Variants in RPS6KC1 observed in about 807,000 individuals in gnomAD.
RPS6KC1 encodes the protein inactive ribosomal protein S6 kinase delta-1.
A neutral mutation model predicts 103.8 loss-of-function variants in RPS6KC1; 54 were observed. That is an observed-to-expected ratio of 0.52 (90% CI 0.42 to 0.65). The LOEUF is 0.65. Ranked by LOEUF, RPS6KC1 falls within the 30% of genes least tolerant of loss-of-function variation. The probability of loss-of-function intolerance (pLI) is 0.00; values close to 1 mark genes in which losing one functional copy is unlikely to be tolerated. For synonymous variants in RPS6KC1, 439 were observed against 438.7 expected (o/e 1.00, Z -0.01); for missense variants, 1,151 against 1,253.8 (o/e 0.92, Z 1.24).
chr1:213,545,937 AC>A, the RPS6KC1 span, among the ~76,000 whole-genome samples: 1 of 151,958 alleles, frequency 6.6e-6, no homozygotes, highest in Non-Finnish European at 1.5e-5. Flanking sequence ...ATCCCAGTGA[AC>A]CCTTCTTTTA....
intron 8 of RPS6KC1, among the ~76,000 whole-genome samples, chr1:213,180,788 A>G (rs539849742): frequency 6.6e-6 from 1 of 152,142 alleles, no homozygotes; most frequent in South Asian, 2.1e-4. Context: ...ATGTGCTTAT[A>G]TTTGTATGTG....
chr1:213,598,421 T>G, the RPS6KC1 span, among the ~76,000 whole-genome samples: 1 of 152,284 alleles, frequency 6.6e-6, no homozygotes, highest in East Asian at 1.9e-4. Flanking sequence ...CAATCCCAGC[T>G]CTGCTTATCT....
chr1:213,434,350 T>A, the RPS6KC1 span, among the ~76,000 whole-genome samples: 2,800 of 152,228 alleles, frequency 0.018, 75 homozygotes, highest in African/African-American at 0.059. Flanking sequence ...ATTACACCTT[T>A]AAAAAAAATT....
intron 6 of RPS6KC1, among the ~76,000 whole-genome samples, chr1:213,157,699 G>C (rs2090052896): frequency 6.6e-6 from 1 of 152,090 alleles, no homozygotes; most frequent in African/African-American, 2.4e-5. Context: ...CAGAATTCAG[G>C]TTGGTTGATA....
chr1:213,294,151 A>G, the RPS6KC1 span, among the ~76,000 whole-genome samples: 8 of 152,224 alleles, frequency 5.3e-5, no homozygotes, highest in African/African-American at 7.2e-5. Context: ...CAACATTTTT[A>G]TAGACCTTTA....
the RPS6KC1 span, among the ~76,000 whole-genome samples, chr1:213,825,570 C>T: frequency 4.5e-4 from 68 of 152,106 alleles, 2 homozygotes; most frequent in East Asian, 0.013. Context: ...TGATGGGTTG[C>T]CCAGGTTAGA....
At chr1:213,815,140 G>A in the RPS6KC1 span, among the ~76,000 whole-genome samples, 124 of 152,208 alleles carry the variant, frequency 8.1e-4, 5 homozygotes, top group Non-Finnish European at 6.9e-4. Context: ...GTTTTTATAC[G>A]GGGCTTTTTT....
chr1:213,514,564 A>AT, the RPS6KC1 span, among the ~76,000 whole-genome samples: 1 of 151,812 alleles, frequency 6.6e-6, no homozygotes, highest in Non-Finnish European at 1.5e-5. Flanking sequence ...TGAACTCATC[A>AT]TTTTTTATGG....
chr1:213,325,494 G>A, the RPS6KC1 span, among the ~76,000 whole-genome samples: 10 of 152,344 alleles, frequency 6.6e-5, no homozygotes, highest in Admixed American at 5.2e-4. Context: ...AGGCAGTAGG[G>A]TACGCGCTCC....
chr1:213,347,711 T>C, the RPS6KC1 span, among the ~76,000 whole-genome samples: 1 of 152,072 alleles, frequency 6.6e-6, no homozygotes, highest in African/African-American at 2.4e-5. Context: ...CCCTAAAACA[T>C]AAACAAATAA....
chr1:213,200,511 A>G (rs1234927609), intron 8 of RPS6KC1, among the ~76,000 whole-genome samples: 1 of 152,228 alleles, frequency 6.6e-6, no homozygotes, highest in Non-Finnish European at 1.5e-5. Context: ...CTAAAATGTA[A>G]AATACAAAAC....
chr1:213,519,580 TA>T, the RPS6KC1 span, among the ~76,000 whole-genome samples: 1 of 152,188 alleles, frequency 6.6e-6, no homozygotes, highest in Admixed American at 6.5e-5. Context: ...AATGAATGTT[TA>T]GGCTGCTTGA....
the RPS6KC1 span, among the ~76,000 whole-genome samples, chr1:213,344,900 A>T: frequency 2.0e-5 from 3 of 152,156 alleles, no homozygotes; most frequent in Non-Finnish European, 4.4e-5. Context: ...CACCTATTGC[A>T]TTCATTGTTG....
the RPS6KC1 span, among the ~76,000 whole-genome samples, chr1:213,568,023 C>T: frequency 6.6e-6 from 1 of 152,212 alleles, no homozygotes; most frequent in Non-Finnish European, 1.5e-5. Flanking sequence ...TTTGATGTCC[C>T]ATATGGGACC....
At chr1:213,425,807 G>T in the RPS6KC1 span, among the ~76,000 whole-genome samples, 1 of 152,142 alleles carries the variant, frequency 6.6e-6, no homozygotes, top group Non-Finnish European at 1.5e-5. Flanking sequence ...TTTGAGGTCT[G>T]TTCAGGATTG....
the RPS6KC1 span, among the ~76,000 whole-genome samples, chr1:213,412,971 T>G: frequency 6.6e-6 from 1 of 152,230 alleles, no homozygotes; most frequent in Non-Finnish European, 1.5e-5. Flanking sequence ...GGGTCTATAA[T>G]CTTTTCCTCT....
At chr1:213,339,999 TCTC>T in the RPS6KC1 span, among the ~76,000 whole-genome samples, 1 of 152,208 alleles carries the variant, frequency 6.6e-6, no homozygotes, top group East Asian at 1.9e-4. Flanking sequence ...TTCAAGCAAT[TCTC>T]CTGCCTCAGC....
chr1:213,091,685 A>AT (rs1158595853), intron 3 of RPS6KC1, among the ~76,000 whole-genome samples: 1 of 152,190 alleles, frequency 6.6e-6, no homozygotes, highest in Non-Finnish European at 1.5e-5. Flanking sequence ...TAAGGAAAAA[A>AT]TTTTAAAGTA....
At chr1:213,454,229 C>T in the RPS6KC1 span, among the ~76,000 whole-genome samples, 3 of 152,170 alleles carry the variant, frequency 2.0e-5, no homozygotes, top group Admixed American at 2.0e-4. Context: ...CTTACAAAGA[C>T]CATGCTCTTT....
Sources: allele counts gnomAD v4.1 joint callset (sites outside exome capture counted in the v4.1 genomes callset), GRCh38; gene constraint gnomAD v4.1.1; transcripts MANE v1.5; gene names NCBI Gene and HGNC (gene_info 2026-07-23, HGNC 2026-07-21).